Variants in PDZRN4 observed in about 807,000 individuals in gnomAD.
The protein encoded by PDZRN4 is PDZ domain-containing RING finger protein 4.
Under a neutral mutation model 99.0 loss-of-function variants are expected in PDZRN4, and 70 were observed. The ratio of observed to expected loss-of-function variants is 0.71; its 90% CI spans 0.58 to 0.86. The LOEUF is 0.86. Ranked by LOEUF, PDZRN4 falls within the 40% of genes least tolerant of loss-of-function variation. The probability of loss-of-function intolerance (pLI) is 0.00; values close to 1 mark genes in which losing one functional copy is unlikely to be tolerated. For synonymous variants in PDZRN4, 551 were observed against 501.6 expected, an observed-to-expected ratio of 1.10 and a Z score of -1.32; for missense variants, 1,474 against 1,331.2, an observed-to-expected ratio of 1.11 and a Z score of -1.67.
At chr12:41,369,551 CT>C (rs1159727373) in intron 3 of PDZRN4, among the ~76,000 whole-genome samples, 1 of 151,808 alleles carries the variant, frequency 6.6e-6, no homozygotes, top group Non-Finnish European at 1.5e-5. Flanking sequence ...TGTCAAACTC[CT>C]TATGACATTA....
chr12:41,364,547 G>C (rs1015739565), intron 3 of PDZRN4, among the ~76,000 whole-genome samples: 1 of 152,088 alleles, frequency 6.6e-6, no homozygotes, highest in Non-Finnish European at 1.5e-5. Context: ...CTTTACTCAT[G>C]TCTTTTCAAA....
At chr12:41,502,019 C>A (rs1443813887) in intron 3 of PDZRN4, among the ~76,000 whole-genome samples, 2 of 152,076 alleles carry the variant, frequency 1.3e-5, no homozygotes, top group Non-Finnish European at 2.9e-5. Context: ...TCGGGACAAC[C>A]ACATGTCACT....
At chr12:41,246,139 T>C (rs189332245) in intron 3 of PDZRN4, among the ~76,000 whole-genome samples, 25 of 152,322 alleles carry the variant, frequency 1.6e-4, no homozygotes, top group African/African-American at 5.3e-4. Context: ...AAATGTCTTT[T>C]TGATAATTTG....
At chr12:41,405,071 TA>T in intron 3 of PDZRN4, among the ~76,000 whole-genome samples, 1 of 152,204 alleles carries the variant, frequency 6.6e-6, no homozygotes, top group Admixed American at 6.5e-5. Context: ...AATTTTTGGC[TA>T]AGTCCCCAAA....
chr12:41,247,089 T>C (rs1249321680), intron 3 of PDZRN4, among the ~76,000 whole-genome samples: 2 of 152,142 alleles, frequency 1.3e-5, no homozygotes, highest in Non-Finnish European at 2.9e-5. Context: ...ATGAGGACTA[T>C]AATGCTGATG....
At chr12:41,529,628 TAAC>T (rs1287642734) in intron 5 of PDZRN4, among the ~76,000 whole-genome samples, 1 of 152,216 alleles carries the variant, frequency 6.6e-6, no homozygotes, top group Non-Finnish European at 1.5e-5. Context: ...AAGTCACAAA[TAAC>T]AGTTGCCCAG....
intron 3 of PDZRN4, among the ~76,000 whole-genome samples, chr12:41,494,451 T>A (rs1320299894): frequency 6.6e-6 from 1 of 152,032 alleles, no homozygotes; most frequent in African/African-American, 2.4e-5. Flanking sequence ...ACTCAACAAG[T>A]TTTTGTTACT....
chr12:41,272,550 T>C (rs1218229719), intron 3 of PDZRN4, among the ~76,000 whole-genome samples: 1 of 152,030 alleles, frequency 6.6e-6, no homozygotes, highest in African/African-American at 2.4e-5. Context: ...ATTGCCTCAA[T>C]AAATATATAC....
chr12:41,224,362 A>C (rs762482488), intron 3 of PDZRN4, among the ~76,000 whole-genome samples: 13 of 152,210 alleles, frequency 8.5e-5, no homozygotes, highest in Non-Finnish European at 1.8e-4. Context: ...TGAGCCATCT[A>C]TTGATACATA....
chr12:41,250,653 G>A (rs952804438), intron 3 of PDZRN4, among the ~76,000 whole-genome samples: 2 of 152,140 alleles, frequency 1.3e-5, no homozygotes, highest in African/African-American at 4.8e-5. Context: ...GAAGTTTGGA[G>A]GAGCCAAATT....
chr12:41,526,212 G>A (rs868136742), intron 5 of PDZRN4, among the ~76,000 whole-genome samples: 20 of 152,252 alleles, frequency 1.3e-4, no homozygotes, highest in African/African-American at 4.8e-4. Context: ...AAAACCATAT[G>A]TCTTAGAGCT....
At chr12:41,441,891 T>G (rs1331346304) in intron 3 of PDZRN4, among the ~76,000 whole-genome samples, 1 of 152,104 alleles carries the variant, frequency 6.6e-6, no homozygotes, top group Non-Finnish European at 1.5e-5. Context: ...CCTGGCTCTC[T>G]TATTTGTGCA....
At chr12:41,555,796 A>T in intron 7 of PDZRN4, 36 bp downstream of exon 7, 1 of 1,481,958 alleles carries the variant, frequency 6.7e-7, no homozygotes, top group East Asian at 2.3e-5. Flanking sequence ...GTTCCCCACG[A>T]TCTGTCCAAA....
At chr12:41,430,441 C>T (rs1248477423) in intron 3 of PDZRN4, among the ~76,000 whole-genome samples, 2 of 151,002 alleles carry the variant, frequency 1.3e-5, no homozygotes, top group African/African-American at 4.9e-5. Flanking sequence ...TGCACTCCAG[C>T]CCGGTGACAG....
intron 3 of PDZRN4, among the ~76,000 whole-genome samples, chr12:41,317,518 A>G (rs1951646678): frequency 6.6e-6 from 1 of 152,134 alleles, no homozygotes; most frequent in Admixed American, 6.6e-5. Context: ...AACCAAATAT[A>G]TGGGAACTGT....
chr12:41,495,597 T>C (rs985303059), intron 3 of PDZRN4, among the ~76,000 whole-genome samples: 4 of 152,138 alleles, frequency 2.6e-5, no homozygotes, highest in African/African-American at 9.7e-5. Flanking sequence ...ATGGTTTCCC[T>C]GCTTCCATTC....
chr12:41,452,949 G>A (rs966630143), intron 3 of PDZRN4, among the ~76,000 whole-genome samples: 6 of 151,894 alleles, frequency 4.0e-5, no homozygotes, highest in African/African-American at 1.2e-4. Flanking sequence ...ACAACACCTG[G>A]GAGGAAATGA....
chr12:41,334,674 C>A (rs1257853518), intron 3 of PDZRN4, among the ~76,000 whole-genome samples: 2 of 152,136 alleles, frequency 1.3e-5, no homozygotes, highest in African/African-American at 4.8e-5. Flanking sequence ...GTCTGCCTTG[C>A]ACATCATAGG....
intron 3 of PDZRN4, among the ~76,000 whole-genome samples, chr12:41,307,873 A>T (rs1358107980): frequency 6.6e-6 from 1 of 152,074 alleles, no homozygotes; most frequent in Non-Finnish European, 1.5e-5. Context: ...TCTATACATC[A>T]CTTCTGTGAG....
Sources: allele counts gnomAD v4.1 joint callset (sites outside exome capture counted in the v4.1 genomes callset), GRCh38; gene constraint gnomAD v4.1.1; transcripts MANE v1.5; gene names NCBI Gene and HGNC (gene_info 2026-07-23, HGNC 2026-07-21).